Variants in HS6ST3 observed in about 807,000 individuals in gnomAD.
The protein encoded by HS6ST3 is heparan-sulfate 6-O-sulfotransferase 3.
HS6ST3 carries 12 observed loss-of-function variants against 36.7 expected under a neutral mutation model. The ratio of observed to expected loss-of-function variants is 0.33; its 90% CI spans 0.21 to 0.53. The LOEUF is 0.53. HS6ST3 is among the 20% of genes least tolerant of loss of function. The pLI is 0.95. For missense variants in HS6ST3, 584 were observed against 640.9 expected, an observed-to-expected ratio of 0.91 and a Z score of 0.96; for synonymous variants, 240 against 257.5, an observed-to-expected ratio of 0.93 and a Z score of 0.65.
intron 1 of HS6ST3, among the ~76,000 whole-genome samples, chr13:96,137,436 A>AT (rs56884747): frequency 0.81 from 114,793 of 141,432 alleles, 46,862 homozygotes; most frequent in East Asian, 0.91. Context: ...AATCCTGAAC[A>AT]TTTTTTTTTT....
intron 1 of HS6ST3, among the ~76,000 whole-genome samples, chr13:96,486,671 G>T (rs531484474): frequency 5.9e-5 from 9 of 152,286 alleles, no homozygotes; most frequent in African/African-American, 7.2e-5. Context: ...CTTCTTTTGA[G>T]AAGTGTCTGT....
chr13:96,362,059 T>C (rs2055241460), intron 1 of HS6ST3, among the ~76,000 whole-genome samples: 1 of 152,144 alleles, frequency 6.6e-6, no homozygotes, highest in Admixed American at 6.5e-5. Flanking sequence ...ACTGCAGTGC[T>C]AGGTAATAGG....
intron 1 of HS6ST3, among the ~76,000 whole-genome samples, chr13:96,491,184 A>T (rs552686176): frequency 6.6e-6 from 1 of 151,254 alleles, no homozygotes; most frequent in African/African-American, 2.5e-5. Context: ...ATTTGAGGGA[A>T]TTATCTCATT....
chr13:96,173,339 C>G (rs1367914455), intron 1 of HS6ST3, among the ~76,000 whole-genome samples: 1 of 152,064 alleles, frequency 6.6e-6, no homozygotes, highest in Non-Finnish European at 1.5e-5. Context: ...GTTGCCCTAA[C>G]AAGGAATTGG....
At chr13:96,824,755 C>A (rs1442696130) in intron 1 of HS6ST3, among the ~76,000 whole-genome samples, 1 of 152,118 alleles carries the variant, frequency 6.6e-6, no homozygotes, top group Non-Finnish European at 1.5e-5. Context: ...ATGTGGTGGT[C>A]GCCTGTCCAT....
chr13:96,464,013 A>G (rs2139493639), intron 1 of HS6ST3, among the ~76,000 whole-genome samples: 2 of 96,548 alleles, frequency 2.1e-5, no homozygotes, highest in South Asian at 1.0e-3. Flanking sequence ...TTAGTCCCAT[A>G]GACAGGTTTT....
intron 1 of HS6ST3, chr13:96,574,018 T>G (rs1318049417): frequency 1.8e-6 from 1 of 542,722 alleles, no homozygotes. Flanking sequence ...GATTCACCAA[T>G]GACCCCTGTC....
At chr13:96,693,783 C>G (rs1393449584) in intron 1 of HS6ST3, among the ~76,000 whole-genome samples, 1 of 152,162 alleles carries the variant, frequency 6.6e-6, no homozygotes, top group Non-Finnish European at 1.5e-5. Context: ...TATTTACATT[C>G]TCAATCTCTG....
intron 1 of HS6ST3, among the ~76,000 whole-genome samples, chr13:96,587,097 A>C (rs1319678397): frequency 1.3e-5 from 2 of 152,114 alleles, no homozygotes; most frequent in Non-Finnish European, 2.9e-5. Context: ...AAGTCAGTCA[A>C]CTGTAAATGT....
At chr13:96,366,580 G>A (rs1297463195) in intron 1 of HS6ST3, among the ~76,000 whole-genome samples, 3 of 152,264 alleles carry the variant, frequency 2.0e-5, no homozygotes, top group South Asian at 4.1e-4. Flanking sequence ...AATTTTGGGT[G>A]CACATCAGAA....
intron 1 of HS6ST3, among the ~76,000 whole-genome samples, chr13:96,579,887 T>A (rs1388040462): frequency 6.6e-6 from 1 of 152,154 alleles, no homozygotes; most frequent in Non-Finnish European, 1.5e-5. Flanking sequence ...TCTATGCAAA[T>A]GATCTGACAT....
chr13:96,164,591 A>G (rs752583887), intron 1 of HS6ST3, among the ~76,000 whole-genome samples: 1 of 151,726 alleles, frequency 6.6e-6, no homozygotes, highest in Non-Finnish European at 1.5e-5. Context: ...TTTTACATTT[A>G]TTTCTTTTTA....
At chr13:96,542,764 G>A (rs553695658) in intron 1 of HS6ST3, among the ~76,000 whole-genome samples, 12 of 152,178 alleles carry the variant, frequency 7.9e-5, no homozygotes, top group Admixed American at 3.9e-4. Flanking sequence ...GGACTACAAC[G>A]GTCAATCTCT....
rs534139470 is a variant in HS6ST3, at chr13:96,290,798, G to T, written c.707+199229G>T. The stretch of plus-strand genomic sequence containing the variant: ...AAAGTCCTTAAAATGACCTGTAAAG[G>T]TCCACCTGATGCAGCTGGTTGTCAC... On this transcript the variant is annotated intron_variant, in intron 1 of 1. Coordinates refer to ENST00000376705, the MANE Select transcript of HS6ST3 (RefSeq NM_153456.4). 3.9e-5 allele frequency among the ~76,000 whole-genome samples: 6 copies of T among 152,248 alleles called. No homozygotes were observed. The South Asian group carries it at 6.2e-4, about 16-fold the overall frequency.
At chr13:96,515,253 T>A (rs1293955083) in intron 1 of HS6ST3, among the ~76,000 whole-genome samples, 1 of 152,240 alleles carries the variant, frequency 6.6e-6, no homozygotes, top group Non-Finnish European at 1.5e-5. Context: ...TTGTTATTCC[T>A]TTATGAGAAT....
intron 1 of HS6ST3, among the ~76,000 whole-genome samples, chr13:96,675,204 T>G (rs2056695183): frequency 6.6e-6 from 1 of 152,122 alleles, no homozygotes; most frequent in African/African-American, 2.4e-5. Context: ...TAGTTTTAAG[T>G]ATAAATTTAA....
At chr13:96,102,415 G>A (rs537210943) in intron 1 of HS6ST3, among the ~76,000 whole-genome samples, 20 of 152,224 alleles carry the variant, frequency 1.3e-4, no homozygotes, top group South Asian at 4.2e-4. Context: ...CCAGGAGGGG[G>A]AGGTTGCAGT....
At chr13:96,411,761 G>A (rs1171913043) in intron 1 of HS6ST3, among the ~76,000 whole-genome samples, 3 of 152,182 alleles carry the variant, frequency 2.0e-5, no homozygotes, top group Non-Finnish European at 4.4e-5. Context: ...AACAAAGGAA[G>A]TGTCAATGAG....
chr13:96,102,404 C>T (rs988907294), intron 1 of HS6ST3, among the ~76,000 whole-genome samples: 2 of 152,118 alleles, frequency 1.3e-5, no homozygotes, highest in African/African-American at 4.8e-5. Flanking sequence ...ATTGCTTGAA[C>T]CCAGGAGGGG....
Sources: gnomAD v4.1 joint callset for allele counts (sites outside exome capture counted in the v4.1 genomes callset) on GRCh38, gnomAD v4.1.1 for gene constraint, MANE v1.5 for transcripts, NCBI Gene and HGNC (gene_info 2026-07-23, HGNC 2026-07-21) for gene names.